Variants in DUSP14 observed in about 807,000 individuals in gnomAD.
The protein encoded by DUSP14 is dual specificity protein phosphatase 14.
A neutral mutation model predicts 13.2 loss-of-function variants in DUSP14; 5 were observed. That is an observed-to-expected ratio of 0.38 (90% CI 0.20 to 0.80). The LOEUF is 0.80. Ranked by LOEUF, DUSP14 falls within the 30% of genes least tolerant of loss-of-function variation. The pLI is 0.44. For synonymous variants in DUSP14, 91 were observed against 103.4 expected, an observed-to-expected ratio of 0.88 and a Z score of 0.73; for missense variants, 185 against 264.0, an observed-to-expected ratio of 0.70 and a Z score of 2.07.
chr17:37,505,675 G>A (rs962477006), intron 1 of DUSP14, among the ~76,000 whole-genome samples: 9 of 138,404 alleles, frequency 6.5e-5, no homozygotes, highest in Admixed American at 7.9e-5. Context: ...AGTAACCTCC[G>A]TGGCATTAGG....
chr17:37,490,478 A>G (rs2054020128), intron 1 of DUSP14, among the ~76,000 whole-genome samples: 1 of 152,192 alleles, frequency 6.6e-6, no homozygotes. Flanking sequence ...CGCGGTGCTA[A>G]CATCTGTCTT....
intron 1 of DUSP14, among the ~76,000 whole-genome samples, chr17:37,499,863 C>T (rs986648343): frequency 1.2e-4 from 18 of 152,340 alleles, no homozygotes; most frequent in African/African-American, 3.8e-4. Flanking sequence ...ATGTAGTCTT[C>T]TAAAGGGAAC....
intron 1 of DUSP14, among the ~76,000 whole-genome samples, chr17:37,498,337 T>C (rs1663733626): frequency 1.0e-5 from 1 of 97,274 alleles, no homozygotes; most frequent in Non-Finnish European, 2.0e-5. Context: ...TTTTTTTTTT[T>C]TTTTTTTGAG....
intron 1 of DUSP14, among the ~76,000 whole-genome samples, chr17:37,496,433 A>AC (rs1013102870): frequency 9.9e-5 from 15 of 151,944 alleles, no homozygotes; most frequent in African/African-American, 3.6e-4. Context: ...ACATGGTGAA[A>AC]CCCCATCTCT....
intron 1 of DUSP14, among the ~76,000 whole-genome samples, chr17:37,499,566 T>C (rs2143076206): frequency 6.6e-6 from 1 of 152,208 alleles, no homozygotes; most frequent in East Asian, 1.9e-4. Context: ...TTTCGCTCTT[T>C]CACGCAGGCT....
In DUSP14 at chr17:37,509,117, A is replaced by ATGTGTGTATATATATATATATATG. The variant is rs1315485762; in HGVS notation, c.-180-1559_-180-1558insGTGTGTATATATATATATATATGT. Among the ~76,000 whole-genome samples, 7 of 40,798 alleles carry ATGTGTGTATATATATATATATATG rather than the reference A, an allele frequency of 1.7e-4. 1 individual carries two copies. The highest frequency in any genetic ancestry group is 6.8e-4 in the African/African-American group (6 of 8,850). The allele number at this position is 40,798 out of a possible 152,430, so 26.8% of individuals were successfully genotyped here. On this transcript the variant is annotated intron_variant, in intron 1 of 2. Transcript: ENST00000617516. ...AAAAAAAAAACCCATATATATATAT[A>ATGTGTGTATATATATATATATATG]TATATATATATACACACACACACAC...
chr17:37,509,677 G>A (rs2054170217), intron 1 of DUSP14, among the ~76,000 whole-genome samples: 1 of 151,970 alleles, frequency 6.6e-6, no homozygotes, highest in Non-Finnish European at 1.5e-5. Flanking sequence ...AAAGTCTAGA[G>A]TGCAAACCAT....
At chr17:37,504,134 C>T (rs550476789) in intron 1 of DUSP14, among the ~76,000 whole-genome samples, 2 of 152,156 alleles carry the variant, frequency 1.3e-5, no homozygotes, top group African/African-American at 2.4e-5. Flanking sequence ...GTGGAGGTTG[C>T]GGTGAGCCGA....
chr17:37,511,585 C>CTTTTTTTTTTTTTTTTTTTT lies in DUSP14; in HGVS notation c.-92-578_-92-577insTTTTTTTTTTTTTTTTTTTT, dbSNP rs533256343. Among the ~76,000 whole-genome samples, 14 of 87,312 alleles carry CTTTTTTTTTTTTTTTTTTTT rather than the reference C, an allele frequency of 1.6e-4. 4 individuals are homozygous for CTTTTTTTTTTTTTTTTTTTT. The highest frequency in any genetic ancestry group is 7.3e-4 in the African/African-American group (14 of 19,088). The allele number at this position is 87,312 out of a possible 152,430, so 57.3% of individuals were successfully genotyped here. ...CATGAGCTACCTCACCTGGCCTTTC[C>CTTTTTTTTTTTTTTTTTTTT]TTTTTTTTTTTTTTTTTTAGAAGCT... On this transcript the variant is annotated intron_variant, in intron 2 of 2. Transcript: ENST00000617516.
intron 1 of DUSP14, among the ~76,000 whole-genome samples, chr17:37,509,167 A>C (rs202082847): frequency 2.1e-5 from 1 of 48,196 alleles, no homozygotes; most frequent in Non-Finnish European, 4.0e-5. Flanking sequence ...ACACACACAC[A>C]CTCTATATAT....
At chr17:37,490,541 A>G (rs976560241) in intron 1 of DUSP14, among the ~76,000 whole-genome samples, 1 of 152,042 alleles carries the variant, frequency 6.6e-6, no homozygotes, top group Non-Finnish European at 1.5e-5. Flanking sequence ...TGTTGTTTGT[A>G]AAGAGGGGGT....
intron 1 of DUSP14, among the ~76,000 whole-genome samples, chr17:37,499,879 C>T (rs2054094097): frequency 6.6e-6 from 1 of 152,214 alleles, no homozygotes; most frequent in South Asian, 2.1e-4. Context: ...GGAACTATTA[C>T]ATTGTCATAT....
At chr17:37,502,035 G>A (rs546159485) in intron 1 of DUSP14, among the ~76,000 whole-genome samples, 2 of 152,202 alleles carry the variant, frequency 1.3e-5, no homozygotes, top group South Asian at 4.1e-4. Flanking sequence ...TGTCATTTCT[G>A]TTAGATGATA....
intron 1 of DUSP14, among the ~76,000 whole-genome samples, chr17:37,492,963 T>C (rs763332215): frequency 1.3e-5 from 2 of 152,148 alleles, no homozygotes; most frequent in Non-Finnish European, 2.9e-5. Flanking sequence ...AAGTAGATAC[T>C]CTTGTGAATC....
intron 1 of DUSP14, among the ~76,000 whole-genome samples, chr17:37,494,028 CT>C (rs1390003493): frequency 1.3e-5 from 2 of 149,166 alleles, no homozygotes; most frequent in African/African-American, 5.0e-5. Context: ...GAGTCTCACT[CT>C]GTCGCCCAGG....
rs1177499901 is a variant in DUSP14, at chr17:37,510,699, C to T, written c.-158C>T. ...CAGATTTGATTTGTATCCACTGTCA[C>T]CAGCACTGCTCACTTAGGACTTTCT... is the stretch of plus-strand genomic sequence containing the variant. On this transcript the variant is annotated 5_prime_UTR_variant, in exon 2 of 3. Transcript: ENST00000617516. 1 of 152,228 alleles carries T rather than the reference C, an allele frequency of 6.6e-6. No individual in the cohort carries two copies. Among genetic ancestry groups the T allele is most frequent in the Non-Finnish European group, 1.5e-5 (1 of 68,086 alleles). 9.4% of individuals were successfully genotyped at this position (152,228 alleles called of 1,614,324 possible).
At chr17:37,505,309 A>C (rs372398675) in intron 1 of DUSP14, among the ~76,000 whole-genome samples, 97 of 152,330 alleles carry the variant, frequency 6.4e-4, no homozygotes, top group African/African-American at 2.2e-3. Context: ...TCAAGGCTAT[A>C]GTGACCTAAG....
At chr17:37,506,648 G>A (rs1380399457) in intron 1 of DUSP14, among the ~76,000 whole-genome samples, 1 of 152,160 alleles carries the variant, frequency 6.6e-6, no homozygotes, top group East Asian at 1.9e-4. Context: ...AGATTTTCAT[G>A]CACCTGTGAT....
intron 2 of DUSP14, among the ~76,000 whole-genome samples, chr17:37,511,767 A>T (rs28630764): frequency 6.8e-6 from 1 of 146,408 alleles, no homozygotes; most frequent in Non-Finnish European, 1.5e-5. Context: ...AAAAAAAAAT[A>T]AAAAATAAAA....
Sources: allele counts gnomAD v4.1 joint callset (sites outside exome capture counted in the v4.1 genomes callset), GRCh38; gene constraint gnomAD v4.1.1; transcripts MANE v1.5; gene names NCBI Gene and HGNC (gene_info 2026-07-23, HGNC 2026-07-21).